Variants in PIGK observed in about 807,000 individuals in gnomAD.
The protein encoded by PIGK is GPI-anchor transamidase.
A neutral mutation model predicts 50.6 loss-of-function variants in PIGK; 42 were observed. The ratio of observed to expected loss-of-function variants is 0.83; its 90% CI spans 0.65 to 1.07. PIGK has a LOEUF of 1.07. PIGK is among the 50% of genes least tolerant of loss of function. The pLI is 0.00. For synonymous variants in PIGK, 151 were observed against 156.0 expected (o/e 0.97, Z 0.24); for missense variants, 448 against 488.7 (o/e 0.92, Z 0.78).
At chr1:77,206,388 C>T (rs1418842336) in intron 3 of PIGK, among the ~76,000 whole-genome samples, 1 of 152,172 alleles carries the variant, frequency 6.6e-6, no homozygotes, top group Non-Finnish European at 1.5e-5. Flanking sequence ...TAATTAAATA[C>T]ATTACACTAA....
chr1:77,178,647 GTTTA>G lies in PIGK; in HGVS notation c.240-9256_240-9253del, dbSNP rs1432057701. The stretch of plus-strand genomic sequence containing the variant: ...AATCTATTTGATTTTAGGTGATTTG[GTTTA>G]TGGGGACCCTGGGTAAGGAGCATAT... On this transcript the variant is annotated intron_variant, in intron 3 of 10. Transcript: ENST00000370812. 2.6e-5 allele frequency among the ~76,000 whole-genome samples: 4 copies of G among 152,240 alleles called. No individual in the cohort carries two copies. The East Asian group carries it at 7.7e-4, about 29-fold the overall frequency.
chr1:77,106,490 T>C (rs1653680761), intron 10 of PIGK, among the ~76,000 whole-genome samples: 1 of 152,182 alleles, frequency 6.6e-6, no homozygotes, highest in Admixed American at 6.5e-5. Flanking sequence ...AAAAAGTATT[T>C]TTAACAAAAG....
At chr1:77,134,515 T>C (rs1557802215) in intron 9 of PIGK, among the ~76,000 whole-genome samples, 1 of 152,184 alleles carries the variant, frequency 6.6e-6, no homozygotes, top group Non-Finnish European at 1.5e-5. Flanking sequence ...ACCAAAAATG[T>C]TGCTGGTGAA....
At chr1:77,125,162 T>C (rs142286343) in intron 9 of PIGK, among the ~76,000 whole-genome samples, 2 of 152,250 alleles carry the variant, frequency 1.3e-5, no homozygotes, top group African/African-American at 4.8e-5. Context: ...ATTCTTTAGG[T>C]ATACAAAAAT....
intron 3 of PIGK, among the ~76,000 whole-genome samples, chr1:77,178,368 G>C (rs1322087037): frequency 1.3e-5 from 2 of 152,180 alleles, no homozygotes; most frequent in Non-Finnish European, 2.9e-5. Flanking sequence ...GCAATGATTA[G>C]AAGTGTATCC....
At chr1:77,115,982 A>G (rs1381767101) in intron 10 of PIGK, among the ~76,000 whole-genome samples, 1 of 152,216 alleles carries the variant, frequency 6.6e-6, no homozygotes, top group Non-Finnish European at 1.5e-5. Context: ...GGTTAAGAAC[A>G]CAGTGGGGAA....
intron 10 of PIGK, among the ~76,000 whole-genome samples, chr1:77,117,029 T>C (rs1471150414): frequency 1.3e-5 from 2 of 152,210 alleles, no homozygotes; most frequent in Non-Finnish European, 2.9e-5. Context: ...TCAGACACAT[T>C]AGATAATTTG....
chr1:77,117,123 T>C (rs1007699353), intron 10 of PIGK, among the ~76,000 whole-genome samples: 2 of 152,184 alleles, frequency 1.3e-5, no homozygotes, highest in African/African-American at 4.8e-5. Context: ...TTTAAACTTC[T>C]ACACAATTGT....
At chr1:77,125,361 A>C (rs1182973136) in intron 9 of PIGK, among the ~76,000 whole-genome samples, 1 of 152,192 alleles carries the variant, frequency 6.6e-6, no homozygotes, top group Non-Finnish European at 1.5e-5. Context: ...GATATGTCTG[A>C]AATGTTTCTT....
rs1306627069 is a variant in PIGK at position 77,195,403 on chromosome 1, G to A, written c.239+11237C>T. On this transcript the variant is annotated intron_variant, in intron 3 of 10. Coordinates refer to ENST00000370812, the MANE Select transcript of PIGK (RefSeq NM_005482.3). ...CAGCACGCAGAGTGCTAAGGAGTGA[G>A]AGCTTAGGGTGCTCACTTCCTGTTT... is the stretch of plus-strand genomic sequence containing the variant. The A allele has an allele frequency of 6.3e-6, 7 of 1,107,556 alleles. No individual in the cohort carries two copies. In the South Asian group the frequency reaches 8.0e-5, roughly 13 times the overall value. The allele number at this position is 1,107,556 out of a possible 1,614,324, so 68.6% of individuals were successfully genotyped here.
intron 9 of PIGK, 110 bp from the exon 10 acceptor site, chr1:77,122,469 T>G (rs973338717): frequency 7.7e-6 from 5 of 653,510 alleles, no homozygotes; most frequent in African/African-American, 5.5e-5. Context: ...AGATTTTTTT[T>G]GAAATAATCA....
At chr1:77,125,412 T>G (rs1654208925) in intron 9 of PIGK, among the ~76,000 whole-genome samples, 1 of 152,178 alleles carries the variant, frequency 6.6e-6, no homozygotes, top group Admixed American at 6.5e-5. Flanking sequence ...TCACAAGTAA[T>G]CTTGAGTATC....
At chr1:77,157,837 C>T (rs937994389) in intron 8 of PIGK, among the ~76,000 whole-genome samples, 1 of 152,056 alleles carries the variant, frequency 6.6e-6, no homozygotes, top group African/African-American at 2.4e-5. Context: ...GTTCTCATGA[C>T]TGAATAAGTC....
At chr1:77,155,126 C>A (rs1296647320) in intron 8 of PIGK, among the ~76,000 whole-genome samples, 1 of 152,162 alleles carries the variant, frequency 6.6e-6, no homozygotes, top group Non-Finnish European at 1.5e-5. Flanking sequence ...AACTGAAGCA[C>A]AGCCTCTCTA....
intron 1 of PIGK, 60 bp downstream of exon 1, chr1:77,219,250 C>T: frequency 7.3e-7 from 1 of 1,367,356 alleles, no homozygotes; most frequent in South Asian, 1.2e-5. Context: ...GTGTATCGGA[C>T]ATCTGCTGGA....
chr1:77,095,271 T>A (rs1249121388), intron 10 of PIGK, among the ~76,000 whole-genome samples: 1 of 152,166 alleles, frequency 6.6e-6, no homozygotes, highest in Admixed American at 6.6e-5. Flanking sequence ...TAACCTCTGA[T>A]GAGAAATCTC....
chr1:77,101,882 T>A (rs1474289198), intron 10 of PIGK, among the ~76,000 whole-genome samples: 1 of 152,104 alleles, frequency 6.6e-6, no homozygotes, highest in Non-Finnish European at 1.5e-5. Context: ...TGCATGCCTG[T>A]AGTCCCAGCT....
Position 77,206,734 on chromosome 1 carries a change from G to C in PIGK, c.148-3C>G, listed in dbSNP as rs1190986685. The C allele has an allele frequency of 1.3e-6, 2 of 1,586,194 alleles. No individual in the cohort carries two copies. Among genetic ancestry groups the C allele is most frequent in the South Asian group, 1.1e-5 (1 of 90,378 alleles). ...AACCAGAATCGGGATGTACACACCT[G>C]AAGTATTAAAACAAAAACAGAATTT... On this transcript the variant is annotated splice_polypyrimidine_tract_variant and splice_region_variant and intron_variant, in intron 2 of 10. Transcript: ENST00000370812.
At chr1:77,141,088 AG>A (rs1433736528) in intron 9 of PIGK, among the ~76,000 whole-genome samples, 2 of 152,186 alleles carry the variant, frequency 1.3e-5, no homozygotes, top group African/African-American at 4.8e-5. Context: ...TTTGCTATAA[AG>A]AAATAAACAT....
Sources: allele counts gnomAD v4.1 joint callset (sites outside exome capture counted in the v4.1 genomes callset), GRCh38; gene constraint gnomAD v4.1.1; transcripts MANE v1.5; gene names NCBI Gene and HGNC (gene_info 2026-07-23, HGNC 2026-07-21).